CUX1: variants seen among roughly 807,000 people sequenced by gnomAD.
CUX1 encodes the protein protein CASP.
A neutral mutation model predicts 158.8 loss-of-function variants in CUX1; 31 were observed. That is an observed-to-expected ratio of 0.20 (90% confidence interval 0.15 to 0.26). The LOEUF (loss-of-function observed/expected upper bound fraction) is 0.26. CUX1 is among the 10% of genes least tolerant of loss of function. CUX1 has a pLI of 1.00. For missense variants in CUX1, 1,589 were observed against 2,014.6 expected (o/e 0.79, Z 4.04); for synonymous variants, 879 against 862.1 (o/e 1.02, Z -0.34).
At chr7:101,943,756 C>G in intron 2 of CUX1, among the ~76,000 whole-genome samples, 1 of 151,628 alleles carries the variant, frequency 6.6e-6, no homozygotes, top group East Asian at 1.9e-4. Context: ...GGCTCGTGAT[C>G]TAATATTGGT....
chr7:101,932,716 T>TG (rs1806424310), intron 2 of CUX1: 1 of 419,202 alleles, frequency 2.4e-6, no homozygotes, highest in Non-Finnish European at 4.9e-6. Context: ...AGGTATTTCA[T>TG]ACGTATTTAA....
chr7:102,075,978 T>A (rs1389749845), intron 4 of CUX1, among the ~76,000 whole-genome samples: 1 of 151,932 alleles, frequency 6.6e-6, no homozygotes, highest in Non-Finnish European at 1.5e-5. Flanking sequence ...CAGGGTAGGA[T>A]CTCCCTCCAC....
Position 102,234,298 on chromosome 7 carries a change from C to G in CUX1, c.3622+58C>G, listed in dbSNP as rs1174808866. 15 of 1,387,210 alleles carry G rather than the reference C, an allele frequency of 1.1e-5. No individual in the cohort carries two copies. The African/African-American group carries it at 1.6e-4, about 15-fold the overall frequency. 85.9% of individuals were successfully genotyped at this position (1,387,210 alleles called of 1,614,324 possible). On this transcript the variant is annotated intron_variant, in intron 22 of 23. Transcript: ENST00000292535. ...GTCCGCATTCATAGACAGGCTGTTT[C>G]TTTCAAATCTTTCACACACAGCTGA...
chr7:101,953,419 C>T (rs963376140), intron 2 of CUX1, among the ~76,000 whole-genome samples: 14 of 152,146 alleles, frequency 9.2e-5, no homozygotes, highest in African/African-American at 2.7e-4. Context: ...TGTTGTTGTT[C>T]GGCCTTCTCG....
upstream of CUX1, chr7:101,817,512 C>T (rs1269789470): frequency 2.6e-6 from 3 of 1,159,470 alleles, no homozygotes; most frequent in Middle Eastern, 1.1e-3. This position sits in a 1 kb window ranked among gnomAD's most constrained non-coding sequence, Gnocchi z 4.1. Context: ...GAGTCGCCGC[C>T]GTGCCCAAGG....
At position 102,251,751 on chromosome 7, in the gene CUX1, A is replaced by T; in HGVS notation, c.*2709A>T. The T allele has an allele frequency of 1.0e-6, 1 of 985,432 alleles. No homozygotes were observed. 61.0% of individuals were successfully genotyped at this position (985,432 alleles called of 1,614,324 possible). On this transcript the variant is annotated 3_prime_UTR_variant, in exon 24 of 24. Coordinates refer to ENST00000292535, the MANE Select transcript of CUX1 (RefSeq NM_181552.4). ...CAAGGGACTTTTGTCATCATGTGTGATGAATCTTTAAATATCGTCTAATTT... is the reference window on the plus strand; with the variant it reads ...CAAGGGACTTTTGTCATCATGTGTGTTGAATCTTTAAATATCGTCTAATTT...
chr7:102,224,284 G>A (rs1267355631), intron 20 of CUX1, among the ~76,000 whole-genome samples: 1 of 152,086 alleles, frequency 6.6e-6, no homozygotes, highest in Non-Finnish European at 1.5e-5. Context: ...TCAGCTCACT[G>A]CAACCTCCGC....
intron 14 of CUX1, among the ~76,000 whole-genome samples, chr7:102,270,876 G>C (rs1791165592): frequency 6.6e-6 from 1 of 152,170 alleles, no homozygotes; most frequent in Non-Finnish European, 1.5e-5. Context: ...TACACGGCAG[G>C]ACTGTGTGCC....
Position 102,248,511 on chromosome 7 carries a change from G to T in CUX1, c.3987G>T (p.Ala1329=). The change falls in exon 24 of 24, where the codon GCG becomes GCT. Residue 1329 remains alanine, a synonymous_variant. Coordinates refer to ENST00000292535, the MANE Select transcript of CUX1 (RefSeq NM_181552.4). The surrounding 1 kb of genome is among the most constrained non-coding windows in gnomAD (Gnocchi z 5.8). ...CACCCTCGGCCCGCAGCGGCCGGGC[G>T]GCGCCCAGCTCGGAGGGCGACAGCT... The part of the protein sequence containing the change: ...SDSPSARSGR[A]APSSEGDSCD... 6.4e-7 allele frequency: 1 copy of T among 1,551,674 alleles called. No individual in the cohort carries two copies.
At chr7:102,186,354 G>T (rs1054564633) in intron 11 of CUX1, among the ~76,000 whole-genome samples, 1 of 152,060 alleles carries the variant, frequency 6.6e-6, no homozygotes, top group African/African-American at 2.4e-5. Context: ...GACAGAAAAC[G>T]TCATAGAAGG....
At chr7:102,014,883 G>A (rs889767478) in intron 2 of CUX1, among the ~76,000 whole-genome samples, 3 of 149,332 alleles carry the variant, frequency 2.0e-5, no homozygotes, top group African/African-American at 7.4e-5. Flanking sequence ...AAGAAAAAAA[G>A]CATCTAAAAA....
intron 1 of CUX1, among the ~76,000 whole-genome samples, chr7:101,825,856 T>A (rs1228953396): frequency 6.7e-6 from 1 of 149,208 alleles, no homozygotes; most frequent in Non-Finnish European, 1.5e-5. Context: ...AGCCAAGTCT[T>A]TCTAACACAC....
chr7:102,195,454 G>C, intron 13 of CUX1, 53 bp from the exon 14 acceptor site: 5 of 1,465,346 alleles, frequency 3.4e-6, no homozygotes, highest in Middle Eastern at 2.0e-4. Context: ...GGTGGCCCCG[G>C]GAGCGGGTGA....
At chr7:102,169,219 C>T (rs1184576695) in intron 9 of CUX1, among the ~76,000 whole-genome samples, 1 of 152,100 alleles carries the variant, frequency 6.6e-6, no homozygotes, top group Non-Finnish European at 1.5e-5. Context: ...AGGCGTGAGC[C>T]ACCGTACCCA....
intron 1 of CUX1, among the ~76,000 whole-genome samples, chr7:101,835,600 A>G (rs898354790): frequency 6.6e-6 from 1 of 152,018 alleles, no homozygotes; most frequent in African/African-American, 2.4e-5. Flanking sequence ...GGGTGCGTAT[A>G]TTTATGGGGT....
At chr7:101,865,533 T>C (rs1006936370) in intron 1 of CUX1, among the ~76,000 whole-genome samples, 1 of 152,226 alleles carries the variant, frequency 6.6e-6, no homozygotes, top group Non-Finnish European at 1.5e-5. Context: ...CTGTCTACTT[T>C]AGCGTATTGT....
intron 2 of CUX1, among the ~76,000 whole-genome samples, chr7:102,023,852 G>A (rs1819684417): frequency 6.6e-6 from 1 of 152,140 alleles, no homozygotes; most frequent in Non-Finnish European, 1.5e-5. Flanking sequence ...GTGCGTGCGT[G>A]AGTGTGTGTA....
chr7:102,276,389 C>A (rs1791609748), intron 17 of CUX1, among the ~76,000 whole-genome samples: 1 of 152,220 alleles, frequency 6.6e-6, no homozygotes. Flanking sequence ...GCAACCTCCA[C>A]CTCCTGGGTT....
chr7:102,176,760 A>G (rs1216318773), intron 10 of CUX1, among the ~76,000 whole-genome samples: 2 of 150,736 alleles, frequency 1.3e-5, no homozygotes, highest in Non-Finnish European at 3.0e-5. Context: ...TTTTGTAGAG[A>G]TGGGTTTTCG....
Sources: allele counts gnomAD v4.1 joint callset (sites outside exome capture counted in the v4.1 genomes callset), GRCh38; gene constraint gnomAD v4.1.1; non-coding constraint Gnocchi (gnomAD v3.1); transcripts MANE v1.5; gene names NCBI Gene and HGNC (gene_info 2026-07-23, HGNC 2026-07-21).